PRKG1: variants seen among roughly 807,000 people sequenced by gnomAD.
The protein encoded by PRKG1 is protein kinase cGMP-dependent 1.
PRKG1 carries 35 observed loss-of-function variants against 88.1 expected under a neutral mutation model. That is an observed-to-expected ratio of 0.40 (90% CI 0.30 to 0.53). The LOEUF (loss-of-function observed/expected upper bound fraction) is 0.53. Among genes scored for constraint, PRKG1 ranks in the 20% least tolerant of loss-of-function variants. The pLI is 0.59. For synonymous variants in PRKG1, 303 were observed against 292.5 expected, an observed-to-expected ratio of 1.04 and a Z score of -0.37; for missense variants, 540 against 839.8, an observed-to-expected ratio of 0.64 and a Z score of 4.41.
At chr10:51,186,954 T>TTATATATATATA (rs3061211) in intron 2 of PRKG1, among the ~76,000 whole-genome samples, 134 of 131,170 alleles carry the variant, frequency 1.0e-3, no homozygotes, top group Middle Eastern at 4.2e-3. Context: ...AGGCCCTGTG[T>TTATATATATATA]TATATATATA....
At chr10:52,117,955 A>G (rs887054699) in intron 7 of PRKG1, among the ~76,000 whole-genome samples, 2 of 151,890 alleles carry the variant, frequency 1.3e-5, no homozygotes, top group Non-Finnish European at 2.9e-5. Flanking sequence ...TATTGTACAA[A>G]AAATGTATTT....
rs145567877 is a variant in PRKG1, at chr10:51,660,840, C to A, written c.593-143745C>A. On this transcript the variant is annotated intron_variant, in intron 3 of 17. Transcript: ENST00000373980. The stretch of plus-strand genomic sequence containing the variant: ...AGTTATTGAAATGCTTTGTGACTTC[C>A]GTGATTGCAAAGCTTAATTTAATCA... Among the ~76,000 whole-genome samples the A allele has an allele frequency of 4.8e-4, 73 of 152,082 alleles. No individual in the cohort carries two copies. In the East Asian group the frequency reaches 7.9e-3, roughly 17 times the overall value.
rs560195045 is a variant in PRKG1 at position 51,202,640 on chromosome 10, AG to A, written c.478+49311del. 2.0e-3 allele frequency among the ~76,000 whole-genome samples: 301 copies of A among 152,380 alleles called. 1 individual carries two copies. The highest frequency in any genetic ancestry group is 7.0e-3 in the African/African-American group (293 of 41,590). On this transcript the variant is annotated intron_variant, in intron 2 of 17. Coordinates refer to ENST00000373980, the MANE Select transcript of PRKG1 (RefSeq NM_006258.4). ...CAACTAGAATATAGAGTGAGTTAAA[AG>A]AAATACAAGGGTAGTTTATGGGGTT...
chr10:51,253,408 T>A (rs1196274594), intron 2 of PRKG1, among the ~76,000 whole-genome samples: 1 of 151,854 alleles, frequency 6.6e-6, no homozygotes, highest in Non-Finnish European at 1.5e-5. Flanking sequence ...ATTACAAGTT[T>A]CCCTTCCCTG....
At chr10:51,541,620 T>C (rs1842303971) in intron 3 of PRKG1, among the ~76,000 whole-genome samples, 1 of 152,130 alleles carries the variant, frequency 6.6e-6, no homozygotes, top group Admixed American at 6.5e-5. Flanking sequence ...TATCACTTAG[T>C]TTAAGATTTT....
chr10:51,216,523 G>A (rs985824980), intron 2 of PRKG1, among the ~76,000 whole-genome samples: 7 of 150,254 alleles, frequency 4.7e-5, no homozygotes, highest in African/African-American at 1.2e-4. Flanking sequence ...TAAAAAACCC[G>A]AATATAACCG....
intron 8 of PRKG1, among the ~76,000 whole-genome samples, chr10:52,136,850 A>G (rs17643002): frequency 0.17 from 25,628 of 152,050 alleles, 2,576 homozygotes; most frequent in South Asian, 0.28. Flanking sequence ...TATACGGAGA[A>G]GAAACCTTGA....
intron 2 of PRKG1, among the ~76,000 whole-genome samples, chr10:51,215,863 A>G (rs563088196): frequency 1.3e-5 from 2 of 152,368 alleles, no homozygotes; most frequent in Non-Finnish European, 2.9e-5. Context: ...GAAAACCTAA[A>G]GCAGAGTAAG....
At position 51,464,285 on chromosome 10, in the gene PRKG1, A is replaced by G. The variant is rs539361736; in HGVS notation, c.479-3438A>G. ...CCTGGCTGAGCGAGACTCCATCTCA[A>G]AAAAAAAAGCAGTGCTTTTTGGATC... On this transcript the variant is annotated intron_variant, in intron 2 of 17. Coordinates refer to ENST00000373980, the MANE Select transcript of PRKG1 (RefSeq NM_006258.4). 9.3e-5 allele frequency among the ~76,000 whole-genome samples: 14 copies of G among 150,876 alleles called. No individual in the cohort carries two copies. The South Asian group carries it at 2.9e-3, about 32-fold the overall frequency.
intron 9 of PRKG1, among the ~76,000 whole-genome samples, chr10:52,246,398 T>C (rs1841021763): frequency 6.6e-6 from 1 of 150,496 alleles, no homozygotes. Context: ...ACTGAGATTA[T>C]TCTATTATTG....
At chr10:51,794,482 A>T (rs1838958445) in intron 3 of PRKG1, among the ~76,000 whole-genome samples, 1 of 152,178 alleles carries the variant, frequency 6.6e-6, no homozygotes, top group African/African-American at 2.4e-5. Flanking sequence ...ATTTTAGACT[A>T]TTGAAATAAT....
chr10:51,782,704 T>C (rs1278354861), intron 3 of PRKG1, among the ~76,000 whole-genome samples: 2 of 152,094 alleles, frequency 1.3e-5, no homozygotes. Context: ...TCTCACAGGA[T>C]CTTATGGTTT....
chr10:51,461,148 A>G (rs1839733428), intron 2 of PRKG1, among the ~76,000 whole-genome samples: 1 of 152,176 alleles, frequency 6.6e-6, no homozygotes, highest in Non-Finnish European at 1.5e-5. Flanking sequence ...TTTCAAGTGT[A>G]TTTATAGCAG....
chr10:51,345,510 G>A (rs536226364), intron 2 of PRKG1, among the ~76,000 whole-genome samples: 18 of 152,104 alleles, frequency 1.2e-4, no homozygotes, highest in African/African-American at 4.1e-4. Context: ...ATATTTCACC[G>A]AGAGTAAATA....
intron 2 of PRKG1, among the ~76,000 whole-genome samples, chr10:51,366,696 A>G (rs1373811753): frequency 2.0e-5 from 3 of 151,938 alleles, no homozygotes; most frequent in Admixed American, 2.0e-4. Context: ...TGTGTTATAC[A>G]TCCATATATA....
At chr10:51,289,098 C>A (rs2339712) in intron 2 of PRKG1, among the ~76,000 whole-genome samples, 36,562 of 151,880 alleles carry the variant, frequency 0.24, 6,578 homozygotes, top group African/African-American at 0.51. Context: ...ACTTTAAAAA[C>A]ATAATAAAAA....
chr10:51,617,686 T>C (rs537860750), intron 3 of PRKG1, among the ~76,000 whole-genome samples: 2 of 152,210 alleles, frequency 1.3e-5, no homozygotes, highest in Non-Finnish European at 2.9e-5. Flanking sequence ...GGCTATACCA[T>C]CTGTGTGCCA....
intron 5 of PRKG1, among the ~76,000 whole-genome samples, chr10:51,957,456 T>A (rs1413157848): frequency 6.6e-6 from 1 of 151,846 alleles, no homozygotes; most frequent in Non-Finnish European, 1.5e-5. Flanking sequence ...CATGCACGGC[T>A]AATTTTTTAA....
chr10:51,437,806 T>C (rs1456392947), intron 2 of PRKG1, among the ~76,000 whole-genome samples: 1 of 150,390 alleles, frequency 6.6e-6, no homozygotes, highest in Non-Finnish European at 1.5e-5. Flanking sequence ...TCTGATGACA[T>C]TTTTGATTGT....
Sources: allele counts gnomAD v4.1 joint callset (sites outside exome capture counted in the v4.1 genomes callset), GRCh38; gene constraint gnomAD v4.1.1; transcripts MANE v1.5; gene names NCBI Gene and HGNC (gene_info 2026-07-23, HGNC 2026-07-21).